ZNF451: variants seen among roughly 807,000 people sequenced by gnomAD.
The protein encoded by ZNF451 is zinc finger protein 451, also known as E3 SUMO-protein ligase ZNF451.
A neutral mutation model predicts 107.1 loss-of-function variants in ZNF451; 80 were observed. The ratio of observed to expected loss-of-function variants is 0.75; its 90% CI spans 0.62 to 0.90. The LOEUF is 0.90. Ranked by LOEUF, ZNF451 falls within the 40% of genes least tolerant of loss-of-function variation. The probability of loss-of-function intolerance (pLI) is 0.00; values close to 1 mark genes in which losing one functional copy is unlikely to be tolerated. For synonymous variants in ZNF451, 362 were observed against 406.5 expected, an observed-to-expected ratio of 0.89 and a Z score of 1.32; for missense variants, 1,107 against 1,236.2, an observed-to-expected ratio of 0.90 and a Z score of 1.57.
intron 2 of ZNF451, among the ~76,000 whole-genome samples, chr6:57,095,844 A>G (rs1829276527): frequency 6.8e-6 from 1 of 148,066 alleles, no homozygotes; most frequent in East Asian, 2.0e-4. Flanking sequence ...TGTTGTTGAG[A>G]CAAGAGTCCC....
intron 3 of ZNF451, chr6:57,107,340 T>G: frequency 1.0e-6 from 1 of 984,454 alleles, no homozygotes; most frequent in Non-Finnish European, 1.2e-6. Flanking sequence ...TTTGTATATT[T>G]AAATACCATG....
At chr6:57,105,431 C>A in intron 3 of ZNF451, 2 of 985,286 alleles carry the variant, frequency 2.0e-6, no homozygotes, top group Non-Finnish European at 2.4e-6. Context: ...ACTTTGATGT[C>A]TTGCATATAT....
At chr6:57,166,754 C>T (rs1763915746) in intron 14 of ZNF451, among the ~76,000 whole-genome samples, 1 of 152,118 alleles carries the variant, frequency 6.6e-6, no homozygotes, top group Admixed American at 6.5e-5. Flanking sequence ...CAACTGGCAA[C>T]ATAGTGTATT....
In ZNF451 at chr6:57,141,302, G is replaced by T; in HGVS notation, c.703G>T (p.Glu235Ter). The change falls in exon 8 of 15, where the codon GAA (glutamate) becomes TAA (stop). Residue 235 changes from glutamate (E) to a stop codon, truncating the protein, a stop_gained and splice_region_variant. Coordinates refer to ENST00000370706, the MANE Select transcript of ZNF451 (RefSeq NM_001031623.3). LOFTEE classifies it high-confidence loss of function. ...QQYRDHLFDK[E>*]ATDDGHNNNL... is the part of the protein sequence containing the mutation. ...AATACAGCTTTGTCTTATATTTTAG[G>T]AAGCCACAGATGATGGACATAACAA... 1 of 1,596,908 alleles carries T rather than the reference G, an allele frequency of 6.3e-7. No individual in the cohort carries two copies. The highest frequency in any genetic ancestry group is 8.5e-7 in the Non-Finnish European group (1 of 1,170,522).
chr6:57,106,548 C>T (rs1011156363), intron 3 of ZNF451: 14 of 940,584 alleles, frequency 1.5e-5, no homozygotes, highest in Middle Eastern at 1.1e-3. Flanking sequence ...TCAAGTGATC[C>T]GCCCGCCTTG....
At chr6:57,109,208 C>G (rs1830002580) in intron 3 of ZNF451, 1 of 985,142 alleles carries the variant, frequency 1.0e-6, no homozygotes, top group African/African-American at 1.7e-5. Context: ...TTTCTGTTTC[C>G]ATTCATTTTC....
At chr6:57,103,992 G>T (rs1174209647) in intron 3 of ZNF451, 24 of 985,138 alleles carry the variant, frequency 2.4e-5, no homozygotes, top group Non-Finnish European at 2.9e-5. Flanking sequence ...TATTGATCTT[G>T]TTTGTCCTAT....
intron 13 of ZNF451, chr6:57,158,375 CAGA>C: frequency 2.9e-6 from 1 of 345,318 alleles, no homozygotes. Flanking sequence ...TTTTTTTTGT[CAGA>C]AGAAATGATT....
intron 7 of ZNF451, among the ~76,000 whole-genome samples, chr6:57,138,704 CATATATATATATATATATAT>C (rs60629541): frequency 8.0e-4 from 35 of 43,778 alleles, no homozygotes; most frequent in Non-Finnish European, 1.1e-3. Context: ...GCAGCTATGC[CATATATATATATATATATAT>C]ATATATATAT....
At chr6:57,107,201 G>A (rs2127945699) in intron 3 of ZNF451, 1 of 985,240 alleles carries the variant, frequency 1.0e-6, no homozygotes, top group Non-Finnish European at 1.2e-6. Flanking sequence ...TCTATGTATT[G>A]ATCTTTTCTT....
intron 7 of ZNF451, among the ~76,000 whole-genome samples, chr6:57,138,285 C>A (rs1384364882): frequency 6.7e-6 from 1 of 148,318 alleles, no homozygotes; most frequent in Non-Finnish European, 1.5e-5. Context: ...TTTTTTAAGA[C>A]GGAGCCTCGC....
At chr6:57,145,603 C>T (rs1210372084) in intron 9 of ZNF451, among the ~76,000 whole-genome samples, 1 of 152,164 alleles carries the variant, frequency 6.6e-6, no homozygotes, top group Non-Finnish European at 1.5e-5. Context: ...CCTCCAGTTC[C>T]ATACATGTTG....
chr6:57,159,194 A>T, intron 13 of ZNF451: 1 of 985,388 alleles, frequency 1.0e-6, no homozygotes, highest in Non-Finnish European at 1.2e-6. Context: ...GATGGGGTTG[A>T]TGGAGGCAAA....
chr6:57,123,291 GTGGTATA>G (rs1830732438), intron 3 of ZNF451, among the ~76,000 whole-genome samples: 1 of 152,200 alleles, frequency 6.6e-6, no homozygotes, highest in Admixed American at 6.5e-5. Flanking sequence ...TAAAGAAAAT[GTGGTATA>G]TGTACACTGT....
chr6:57,124,510 T>C (rs1352722713), intron 3 of ZNF451: 3 of 714,170 alleles, frequency 4.2e-6, no homozygotes, highest in East Asian at 2.7e-5. Context: ...TGAATAAAGA[T>C]GATAAATGTC....
intron 3 of ZNF451, chr6:57,103,025 A>C (rs1408280813): frequency 4.1e-6 from 4 of 985,302 alleles, no homozygotes; most frequent in Non-Finnish European, 4.8e-6. Flanking sequence ...CTACCTTCTA[A>C]ACATTTAATT....
intron 3 of ZNF451, chr6:57,124,407 C>G: frequency 2.8e-6 from 2 of 712,824 alleles, no homozygotes; most frequent in Middle Eastern, 2.3e-4. Flanking sequence ...TTATTTACCT[C>G]TCTCTCTCTC....
chr6:57,152,289 T>G lies in ZNF451; in HGVS notation c.2821T>G (p.Phe941Val). 6.2e-7 allele frequency: 1 copy of G among 1,614,100 alleles called. No homozygotes were observed. ...IYNYLNRIGC[F>V]FLHPRCSKRK... is the part of the protein sequence containing the mutation. ...TAACTACCTGAACAGGATTGGATGC[T>G]TCTTCCTTCATCCTCGCTGTAGTAA... is the stretch of plus-strand genomic sequence containing the variant. The change falls in exon 12 of 15, where the codon TTC (phenylalanine) becomes GTC (valine). Residue 941 changes from phenylalanine (F) to valine (V), a missense_variant. By Grantham distance (50) the Phe-to-Val change is conservative (BLOSUM62 -1). Around this residue, in one of 5 missense-constraint regions of ZNF451, gnomAD observed 151 missense variants for 173.3 expected, o/e 0.87. Coordinates refer to ENST00000370706, the MANE Select transcript of ZNF451 (RefSeq NM_001031623.3).
chr6:57,098,560 C>G (rs1829435639), intron 2 of ZNF451, among the ~76,000 whole-genome samples: 1 of 152,116 alleles, frequency 6.6e-6, no homozygotes, highest in Non-Finnish European at 1.5e-5. Context: ...TGAATAAAAT[C>G]TAGGCTTTTA....
Sources: gnomAD v4.1 joint callset for allele counts (sites outside exome capture counted in the v4.1 genomes callset) on GRCh38, gnomAD v4.1.1 for gene constraint, gnomAD v4.1.1 regional missense constraint, MANE v1.5 for transcripts, NCBI Gene and HGNC (gene_info 2026-07-23, HGNC 2026-07-21) for gene names.